The following CYTH2 variants were observed in gnomAD, a reference collection of about 807,000 sequenced individuals.
CYTH2 encodes the protein cytohesin 2.
CYTH2 carries 24 observed loss-of-function variants against 55.4 expected under a neutral mutation model. The ratio of observed to expected loss-of-function variants is 0.43; its 90% CI spans 0.31 to 0.61. The LOEUF (loss-of-function observed/expected upper bound fraction) is 0.61, where lower values mean the gene tolerates loss of function less well. CYTH2 is among the 20% of genes least tolerant of loss of function. The pLI is 0.08. For synonymous variants in CYTH2, 221 were observed against 209.6 expected (o/e 1.05, Z -0.47); for missense variants, 378 against 533.5 (o/e 0.71, Z 2.87).
chr19:48,473,051 T>C, intron 4 of CYTH2: 1 of 488,470 alleles, frequency 2.0e-6, no homozygotes, highest in South Asian at 2.4e-5. Flanking sequence ...GTTTGCGGCA[T>C]TTCTCCCAAC....
At chr19:48,473,045 G>A (rs950485623) in intron 4 of CYTH2, 1 of 477,162 alleles carries the variant, frequency 2.1e-6, no homozygotes, top group African/African-American at 1.9e-5. Context: ...ATACATGTTT[G>A]CGGCATTTCT....
chr19:48,477,632 G>A (rs1208391863), intron 8 of CYTH2: 5 of 176,066 alleles, frequency 2.8e-5, no homozygotes, highest in Admixed American at 5.6e-5. Flanking sequence ...TGTTTCTGTC[G>A]CCTGCGGCTC....
chr19:48,472,471 G>GCCCCCCCCCCCCCCCCCCCCGACCCCAC, intron 4 of CYTH2, 28 bp downstream of exon 4: 1 of 1,584,684 alleles, frequency 6.3e-7, no homozygotes, highest in South Asian at 1.1e-5. Flanking sequence ...CTCCTGTGGG[G>GCCCCCCCCCCCCCCCCCCCCGACCCCAC]CCCCTCCCTC....
chr19:48,470,109 A>C (rs1971759709), intron 1 of CYTH2: 2 of 703,566 alleles, frequency 2.8e-6, no homozygotes, highest in Non-Finnish European at 5.2e-6. Context: ...TCAGGCACCC[A>C]TTCCCCTTCT....
intron 2 of CYTH2, 31 bp from the exon 3 acceptor site, chr19:48,470,572 C>T (rs1454104339): frequency 1.2e-6 from 2 of 1,614,076 alleles, no homozygotes; most frequent in Non-Finnish European, 1.7e-6. Flanking sequence ...CATTGACCCT[C>T]CACCCCCAAC....
rs1972027032 is a variant in CYTH2, at chr19:48,480,443, C to A, written c.*1233C>A. 1 of 152,244 alleles carries A rather than the reference C, an allele frequency of 6.6e-6. No homozygotes were observed. Among genetic ancestry groups the A allele is most frequent in the South Asian group, 2.1e-4 (1 of 4,834 alleles). The allele number at this position is 152,244 out of a possible 1,614,324, so 9.4% of individuals were successfully genotyped here. ...TTTCGGGCTTTGATCCCTGTCCCGC[C>A]CTTGGCCACAGGCACCTGCCGGCCT... On this transcript the variant is annotated 3_prime_UTR_variant, in exon 12 of 12. Coordinates refer to ENST00000452733, the MANE Select transcript of CYTH2 (RefSeq NM_004228.7).
In CYTH2 at chr19:48,478,604, CTCCTGGGCCTG is replaced by C; in HGVS notation, c.1112+13_1112+23del. 1.3e-6 allele frequency: 2 copies of C among 1,546,078 alleles called. No individual in the cohort carries two copies. Among genetic ancestry groups the C allele is most frequent in the Middle Eastern group, 1.8e-4 (1 of 5,512 alleles). On this transcript the variant is annotated intron_variant, in intron 11 of 11. Transcript: ENST00000452733. Reference sequence around the variant, plus strand: ...ATCAAGTCCATCCAGTGAGCCTGGACTCCTGGGCCTGATGGAGGAGGGGCTGGGGCCTGGAC... The same window carrying C: ...ATCAAGTCCATCCAGTGAGCCTGGACATGGAGGAGGGGCTGGGGCCTGGAC...
At chr19:48,473,694 A>G (rs1971849506) in intron 5 of CYTH2, 1 of 600,282 alleles carries the variant, frequency 1.7e-6, no homozygotes, top group Admixed American at 3.0e-5. Flanking sequence ...TGTCTAGCGA[A>G]CTTAGCAGAA....
chr19:48,472,474 C>CCCCCCCCCCCCCCCCCCCAA, intron 4 of CYTH2, 31 bp downstream of exon 4: 1 of 1,569,480 alleles, frequency 6.4e-7, no homozygotes, highest in Admixed American at 1.7e-5. Flanking sequence ...CTGTGGGGCC[C>CCCCCCCCCCCCCCCCCCCAA]CTCCCTCCCA....
intron 1 of CYTH2, 27 bp from the exon 2 acceptor site, chr19:48,470,326 C>A: frequency 6.3e-7 from 1 of 1,587,954 alleles, no homozygotes; most frequent in South Asian, 1.1e-5. Flanking sequence ...CTAGCACTGA[C>A]TTTTAAACCT....
chr19:48,470,261 C>T (rs1971763414), intron 1 of CYTH2, 92 bp from the exon 2 acceptor site: 1 of 1,508,728 alleles, frequency 6.6e-7, no homozygotes, highest in Non-Finnish European at 8.9e-7. Context: ...GCCCCTTACA[C>T]ATCCTCTCCC....
Position 48,481,491 on chromosome 19 carries a change from G to GTTTTTTTTTTT in CYTH2, c.*2282_*2292dup, listed in dbSNP as rs35979886. On this transcript the variant is annotated 3_prime_UTR_variant, in exon 12 of 12. Transcript: ENST00000452733. The stretch of plus-strand genomic sequence containing the variant: ...AGCACGCTTCTGATTTTTTTTGTAG[G>GTTTTTTTTTTT]TTTTTTTTTTTGTTTTTTGTTTTGT... 1 of 166,538 alleles carries GTTTTTTTTTTT rather than the reference G, an allele frequency of 6.0e-6. No homozygotes were observed. The highest frequency in any genetic ancestry group is 6.3e-5 in the Admixed American group (1 of 15,822). The allele number at this position is 166,538 out of a possible 1,614,324, so 10.3% of individuals were successfully genotyped here.
intron 3 of CYTH2, among the ~76,000 whole-genome samples, chr19:48,471,876 C>T: frequency 6.6e-6 from 1 of 152,072 alleles, no homozygotes; most frequent in Non-Finnish European, 1.5e-5. Flanking sequence ...ATAGTGATAA[C>T]TCATCTCTAG....
Position 48,477,603 on chromosome 19 carries a change from C to A in CYTH2, c.809-466C>A, listed in dbSNP as rs370801647. The A allele has an allele frequency of 5.2e-5, 9 of 173,378 alleles. No individual in the cohort carries two copies. The East Asian group carries it at 9.5e-4, about 18-fold the overall frequency. The allele number at this position is 173,378 out of a possible 1,614,324, so 10.7% of individuals were successfully genotyped here. A position where few individuals can be genotyped will look rare whatever the true frequency, so the allele number is the denominator to read the frequency against. Reference sequence around the variant, plus strand: ...TGCCTCTCTGTCCTGCCCCTGCGCACCCCTCCCTGTGCCCACCCTGTTTCT... The same window carrying A: ...TGCCTCTCTGTCCTGCCCCTGCGCAACCCTCCCTGTGCCCACCCTGTTTCT... On this transcript the variant is annotated intron_variant, in intron 8 of 11. Transcript: ENST00000452733.
chr19:48,470,508 C>A lies in CYTH2; in HGVS notation c.167+8C>A, dbSNP rs201450029. 1 of 1,613,458 alleles carries A rather than the reference C, an allele frequency of 6.2e-7. No individual in the cohort carries two copies. The highest frequency in any genetic ancestry group is 2.2e-5 in the East Asian group (1 of 44,876). ...GGAGGCCAATGAGGGCAGGTGAGGG[C>A]TGGGGCGGATGACCTAGGGGGCGTG... On this transcript the variant is annotated splice_region_variant and intron_variant, in intron 2 of 11. Transcript: ENST00000452733.
chr19:48,478,765 GGAGGGGCA>G (rs2147513964), intron 11 of CYTH2, among the ~76,000 whole-genome samples, 173 bp downstream of exon 11: 3 of 148,174 alleles, frequency 2.0e-5, no homozygotes, highest in South Asian at 2.1e-4. Context: ...GTCTGACGGA[GGAGGGGCA>G]GGGGCCTGGA....
intron 3 of CYTH2, 124 bp downstream of exon 3, chr19:48,470,793 C>A: frequency 9.7e-7 from 1 of 1,036,120 alleles, no homozygotes; most frequent in Non-Finnish European, 1.4e-6. Context: ...TGGTCCTAAT[C>A]CCTGGATTCA....
At chr19:48,473,604 C>T in intron 5 of CYTH2, 1 of 605,284 alleles carries the variant, frequency 1.7e-6, no homozygotes, top group Non-Finnish European at 2.9e-6. Flanking sequence ...CTTTCTTTGC[C>T]TCTTGTATTT....
rs1333176551 is a variant in CYTH2 at position 48,472,411 on chromosome 19, C to T, written c.321C>T (p.Asn107=). The T allele has an allele frequency of 1.2e-6, 2 of 1,613,844 alleles. No homozygotes were observed. ...ARFLYKGEGL[N]KTAIGDYLGE... is the part of the protein sequence containing the mutation. ...TCCTGTACAAGGGCGAGGGGCTGAA[C>T]AAGACAGCCATCGGGGACTACCTGG... The change falls in exon 4 of 12, where the codon AAC becomes AAT. Residue 107 remains asparagine (N), a synonymous_variant. Transcript: ENST00000452733.
Sources: gnomAD v4.1 joint callset for allele counts (sites outside exome capture counted in the v4.1 genomes callset) on GRCh38, gnomAD v4.1.1 for gene constraint, MANE v1.5 for transcripts, NCBI Gene and HGNC (gene_info 2026-07-23, HGNC 2026-07-21) for gene names.